The following APP variants were observed in gnomAD, a reference collection of about 807,000 sequenced individuals.
The protein encoded by APP is amyloid-beta precursor protein.
A neutral mutation model predicts 101.4 loss-of-function variants in APP; 31 were observed. The observed-to-expected ratio is 0.31, with a 90% CI of 0.23 to 0.41. The LOEUF (loss-of-function observed/expected upper bound fraction) is 0.41, where lower values mean the gene tolerates loss of function less well. APP is among the 10% of genes least tolerant of loss of function. APP has a pLI of 1.00. For missense variants in APP, 839 were observed against 1,003.7 expected (o/e 0.84, Z 2.22); for synonymous variants, 366 against 364.4 (o/e 1.00, Z -0.05).
At chr21:26,128,607 G>A (rs1183279848) in intron 1 of APP, among the ~76,000 whole-genome samples, 5 of 152,018 alleles carry the variant, frequency 3.3e-5, no homozygotes, top group Non-Finnish European at 7.4e-5. Flanking sequence ...CTAATTCAGT[G>A]TTCTCAAAAA....
chr21:26,084,534 G>A (rs974074406), intron 3 of APP, among the ~76,000 whole-genome samples: 2 of 100 alleles, frequency 0.02, no homozygotes, highest in African/African-American at 0.029. Context: ...CACCGCGCCC[G>A]GCCGAAGACA....
intron 14 of APP, among the ~76,000 whole-genome samples, chr21:25,910,624 T>C (rs2039024030): frequency 6.6e-6 from 1 of 152,178 alleles, no homozygotes; most frequent in Non-Finnish European, 1.5e-5. Flanking sequence ...CCTGAACAGG[T>C]GTTTCTGCTA....
At chr21:26,016,119 A>ATG (rs1225420016) in intron 6 of APP, among the ~76,000 whole-genome samples, 1 of 150,838 alleles carries the variant, frequency 6.6e-6, no homozygotes, top group African/African-American at 2.4e-5. Context: ...CAACCTCCGC[A>ATG]TCCCAGGTCC....
chr21:25,889,139 C>T (rs2037529164), intron 17 of APP, among the ~76,000 whole-genome samples: 1 of 152,186 alleles, frequency 6.6e-6, no homozygotes, highest in Non-Finnish European at 1.5e-5. Flanking sequence ...ATGTTGAAGT[C>T]CTAAGCTGCC....
intron 5 of APP, among the ~76,000 whole-genome samples, chr21:26,048,266 T>G (rs760976230): frequency 7.2e-5 from 11 of 152,034 alleles, no homozygotes; most frequent in Non-Finnish European, 1.3e-4. Context: ...GAGGTTGCAG[T>G]GAGCCGAGAT....
At chr21:25,944,596 T>G (rs1278658487) in intron 13 of APP, among the ~76,000 whole-genome samples, 1 of 152,230 alleles carries the variant, frequency 6.6e-6, no homozygotes, top group Non-Finnish European at 1.5e-5. Context: ...TCCCAGTTAG[T>G]GTTTGTGGAA....
At position 25,967,775 on chromosome 21, in the gene APP, G is replaced by C. The variant is rs45582839; in HGVS notation, c.1458+7295C>G. On this transcript the variant is annotated intron_variant, in intron 11 of 17. Coordinates refer to ENST00000346798, the MANE Select transcript of APP (RefSeq NM_000484.4). ...TGTTTCATGAAGCTATGAATAGTTTGAGTACGAGCCCTGACAAAGTAAAAA... is the reference window on the plus strand; with the variant it reads ...TGTTTCATGAAGCTATGAATAGTTTCAGTACGAGCCCTGACAAAGTAAAAA... Among the ~76,000 whole-genome samples the C allele has an allele frequency of 3.0e-4, 45 of 152,332 alleles. No individual in the cohort carries two copies. In the East Asian group the frequency reaches 8.5e-3, roughly 29 times the overall value.
At chr21:26,108,352 A>G (rs995972766) in intron 2 of APP, among the ~76,000 whole-genome samples, 1 of 152,228 alleles carries the variant, frequency 6.6e-6, no homozygotes, top group Non-Finnish European at 1.5e-5. Context: ...GTTTTCTCAC[A>G]TTATATCTTT....
intron 11 of APP, among the ~76,000 whole-genome samples, chr21:25,965,407 A>T (rs1244784603): frequency 6.6e-6 from 1 of 152,244 alleles, no homozygotes; most frequent in East Asian, 1.9e-4. Flanking sequence ...TACTTGGACT[A>T]TGGTGGTCCT....
intron 13 of APP, chr21:25,935,103 CTG>C (rs1466837665): frequency 1.3e-5 from 2 of 152,204 alleles, no homozygotes; most frequent in East Asian, 1.9e-4. Flanking sequence ...TGGCAGCAAA[CTG>C]TGTGTCAAAT....
chr21:25,932,963 T>C (rs1194038990), intron 13 of APP, among the ~76,000 whole-genome samples: 1 of 152,224 alleles, frequency 6.6e-6, no homozygotes, highest in Non-Finnish European at 1.5e-5. Context: ...CATCGTTTTT[T>C]ACATTTTTAA....
chr21:26,068,359 T>A (rs1013047009), intron 3 of APP: 2 of 133,782 alleles, frequency 1.5e-5, no homozygotes, highest in Non-Finnish European at 3.2e-5. Context: ...CTCTGCCACA[T>A]TCTCTTTTTT....
chr21:26,010,779 C>T (rs1232733497), intron 6 of APP, among the ~76,000 whole-genome samples: 2 of 130,120 alleles, frequency 1.5e-5, no homozygotes, highest in East Asian at 2.5e-4. Context: ...CAAGACTGTG[C>T]CACTGCCTTC....
At chr21:26,002,321 T>C (rs1178674205) in intron 6 of APP, among the ~76,000 whole-genome samples, 2 of 151,922 alleles carry the variant, frequency 1.3e-5, no homozygotes, top group Non-Finnish European at 1.5e-5. Context: ...TTATTGCATC[T>C]ACTGAAAGAG....
intron 11 of APP, 111 bp from the exon 12 acceptor site, chr21:25,955,866 T>C: frequency 6.8e-7 from 1 of 1,480,304 alleles, no homozygotes. Context: ...GAACGTACTG[T>C]GAGTCACCTT....
At chr21:26,026,560 C>T (rs2044585299) in intron 5 of APP, among the ~76,000 whole-genome samples, 1 of 152,234 alleles carries the variant, frequency 6.6e-6, no homozygotes, top group Non-Finnish European at 1.5e-5. Flanking sequence ...TTGATTCACA[C>T]ACCAATTTTC....
chr21:25,977,170 G>A (rs1019544594), intron 9 of APP, among the ~76,000 whole-genome samples: 2 of 152,176 alleles, frequency 1.3e-5, no homozygotes, highest in Non-Finnish European at 1.5e-5. Flanking sequence ...ATTTCCCTGA[G>A]AGAAGTTCAC....
rs946281683 is a variant in APP at position 25,982,399 on chromosome 21, T to C, written c.1169A>G (p.His390Arg). 2 of 1,613,678 alleles carry C rather than the reference T, an allele frequency of 1.2e-6. No individual in the cohort carries two copies. The highest frequency in any genetic ancestry group is 8.5e-7 in the Non-Finnish European group (1 of 1,179,846). ...ETPGDENEHA[H>R]FQKAKERLEA... Reference sequence around the variant, plus strand: ...AAGCCTCTCTTTGGCTTTCTGGAAATGGGCATGTTCATTCTCATCCCCAGG... The same window carrying C: ...AAGCCTCTCTTTGGCTTTCTGGAAACGGGCATGTTCATTCTCATCCCCAGG... The change falls in exon 9 of 18, where the codon CAT (histidine) becomes CGT (arginine). Residue 390 changes from histidine to arginine, a missense_variant. Physicochemically the swap from His to Arg is conservative, Grantham distance 29. Coordinates refer to ENST00000346798, the MANE Select transcript of APP (RefSeq NM_000484.4).
rs1031473950 is a variant in APP at position 26,058,974 on chromosome 21, G to T, written c.356-5626C>A. On this transcript the variant is annotated intron_variant, in intron 3 of 17. Coordinates refer to ENST00000346798, the MANE Select transcript of APP (RefSeq NM_000484.4). Reference sequence around the variant, plus strand: ...CGGGCGCCTGTAGTCCCAGCTACTCGGGAGGCTGAGGCAGGAGAATGGCGT... The same window carrying T: ...CGGGCGCCTGTAGTCCCAGCTACTCTGGAGGCTGAGGCAGGAGAATGGCGT... Among the ~76,000 whole-genome samples the T allele has an allele frequency of 3.3e-5, 5 of 151,632 alleles. No homozygotes were observed. The East Asian group carries it at 9.7e-4, about 29-fold the overall frequency.
Sources: gnomAD v4.1 joint callset for allele counts (sites outside exome capture counted in the v4.1 genomes callset) on GRCh38, gnomAD v4.1.1 for gene constraint, MANE v1.5 for transcripts, NCBI Gene and HGNC (gene_info 2026-07-23, HGNC 2026-07-21) for gene names.